The following NEDD9 variants were observed in gnomAD, a reference collection of about 807,000 sequenced individuals.
NEDD9 encodes neural precursor cell expressed, developmentally down-regulated 9.
Under a neutral mutation model 76.6 loss-of-function variants are expected in NEDD9, and 26 were observed. The ratio of observed to expected loss-of-function variants is 0.34; its 90% CI spans 0.25 to 0.47. The LOEUF is 0.47. Ranked by LOEUF, NEDD9 falls within the 20% of genes least tolerant of loss-of-function variation. The probability of loss-of-function intolerance (pLI) is 1.00; values close to 1 mark genes in which losing one functional copy is unlikely to be tolerated. For missense variants in NEDD9, 937 were observed against 1,058.5 expected, an observed-to-expected ratio of 0.89 and a Z score of 1.59; for synonymous variants, 392 against 414.2, an observed-to-expected ratio of 0.95 and a Z score of 0.65.
chr6:11,186,142 A>T (rs1257522095), intron 6 of NEDD9, among the ~76,000 whole-genome samples: 1 of 152,130 alleles, frequency 6.6e-6, no homozygotes, highest in Non-Finnish European at 1.5e-5. Flanking sequence ...CTATCTCAGG[A>T]TGCTCAGATG....
At position 11,370,157 on chromosome 6, in the gene NEDD9, T is replaced by A. The variant is rs951009457; in HGVS notation, c.-214+11982A>T. On this transcript the variant is annotated intron_variant, in intron 1 of 3. Coordinates refer to the NEDD9 transcript ENST00000397378. The surrounding 1 kb of genome is among the most constrained non-coding windows in gnomAD (Gnocchi z 4.2). ...TAATGATGAAATAGACACATCTCTC[T>A]GCTAAATCATGCTTGTGGGAACCCA... Among the ~76,000 whole-genome samples the A allele has an allele frequency of 3.3e-5, 4 of 121,254 alleles. No individual in the cohort carries two copies. Among genetic ancestry groups the A allele is most frequent in the African/African-American group, 1.4e-4 (4 of 28,534 alleles). 79.5% of individuals were successfully genotyped at this position (121,254 alleles called of 152,430 possible). A position where few individuals can be genotyped will look rare whatever the true frequency, so the allele number is the denominator to read the frequency against.
intron 3 of NEDD9, among the ~76,000 whole-genome samples, chr6:11,264,088 G>A (rs1760160944): frequency 2.0e-5 from 3 of 152,204 alleles, no homozygotes; most frequent in Non-Finnish European, 2.9e-5. Flanking sequence ...AGAGTTCCCC[G>A]GATGTGGAAG....
chr6:11,242,589 C>CAA (rs58475929), intron 3 of NEDD9, among the ~76,000 whole-genome samples: 21,725 of 143,548 alleles, frequency 0.15, 2,274 homozygotes, highest in East Asian at 0.61. Context: ...GGTCACCAGG[C>CAA]AAAAAAAAAA....
intron 3 of NEDD9, among the ~76,000 whole-genome samples, chr6:11,286,022 C>T (rs1760641456): frequency 6.6e-6 from 1 of 152,142 alleles, no homozygotes; most frequent in African/African-American, 2.4e-5. Flanking sequence ...AACACCTGCT[C>T]TTCTAAAGAC....
chr6:11,231,854 C>T (rs1465957432), intron 1 of NEDD9, among the ~76,000 whole-genome samples: 1 of 152,140 alleles, frequency 6.6e-6, no homozygotes, highest in Non-Finnish European at 1.5e-5. Flanking sequence ...GCACAATGAG[C>T]CAGCCTGAGC....
At chr6:11,187,141 A>G (rs573295456) in intron 6 of NEDD9, among the ~76,000 whole-genome samples, 1 of 151,664 alleles carries the variant, frequency 6.6e-6, no homozygotes, top group South Asian at 2.1e-4. Context: ...TGGGGGGGGT[A>G]CTTTCCCATT....
chr6:11,201,040 G>C (rs1167456606), intron 2 of NEDD9: 1 of 1,614,182 alleles, frequency 6.2e-7, no homozygotes, highest in Admixed American at 1.7e-5. Context: ...CCATCTCTCT[G>C]GAACACCTAG....
chr6:11,265,608 G>A (rs746624819), intron 3 of NEDD9, among the ~76,000 whole-genome samples: 3 of 152,162 alleles, frequency 2.0e-5, no homozygotes, highest in Admixed American at 6.6e-5. Flanking sequence ...AGAAGAAAAG[G>A]CAATTCTTTT....
At chr6:11,186,439 A>G (rs1212341718) in intron 6 of NEDD9, among the ~76,000 whole-genome samples, 1 of 152,018 alleles carries the variant, frequency 6.6e-6, no homozygotes, top group Non-Finnish European at 1.5e-5. Context: ...TGCAATTATA[A>G]TAATTTCTAG....
intron 3 of NEDD9, among the ~76,000 whole-genome samples, chr6:11,239,457 C>A (rs1412750561): frequency 1.3e-5 from 2 of 152,200 alleles, no homozygotes; most frequent in Non-Finnish European, 2.9e-5. Context: ...AGCCACTTCT[C>A]AGAAGGCAAG....
intron 1 of NEDD9, among the ~76,000 whole-genome samples, chr6:11,218,702 A>T (rs1323422623): frequency 6.6e-6 from 1 of 152,210 alleles, no homozygotes. Flanking sequence ...TACTTAGAGA[A>T]TTCAGCAAGA....
chr6:11,239,669 C>T lies in NEDD9; in HGVS notation c.13-25942G>A, dbSNP rs1439380289. Among the ~76,000 whole-genome samples, 5 of 152,132 alleles carry T rather than the reference C, an allele frequency of 3.3e-5. No individual in the cohort carries two copies. In the East Asian group the frequency reaches 5.8e-4, roughly 18 times the overall value. ...CACAAGAGACCTCATGAAGGCTACCCGACCTTACCCCGAACTACCTCGTTA... is the reference window on the plus strand; with the variant it reads ...CACAAGAGACCTCATGAAGGCTACCTGACCTTACCCCGAACTACCTCGTTA... On this transcript the variant is annotated intron_variant, in intron 3 of 3. Transcript: ENST00000397378.
intron 3 of NEDD9, among the ~76,000 whole-genome samples, chr6:11,250,321 T>A (rs1759894624): frequency 6.6e-6 from 1 of 152,178 alleles, no homozygotes; most frequent in Non-Finnish European, 1.5e-5. Context: ...TAATTTGACA[T>A]ACCATGAAAA....
chr6:11,338,656 G>T (rs925318606), intron 1 of NEDD9, among the ~76,000 whole-genome samples: 3 of 152,128 alleles, frequency 2.0e-5, no homozygotes, highest in Non-Finnish European at 4.4e-5. Context: ...GAGCGCAGTG[G>T]CTCACACCTG....
At chr6:11,320,736 G>C (rs932967470) in intron 2 of NEDD9, among the ~76,000 whole-genome samples, 1 of 152,198 alleles carries the variant, frequency 6.6e-6, no homozygotes, top group Non-Finnish European at 1.5e-5. Flanking sequence ...AGGTCTTTAC[G>C]TTTGGAAAGA....
chr6:11,263,224 G>T (rs576891729), intron 3 of NEDD9, among the ~76,000 whole-genome samples: 5 of 152,282 alleles, frequency 3.3e-5, no homozygotes, highest in East Asian at 1.9e-4. Flanking sequence ...TAGCTTTTTT[G>T]TGTGTGTAAG....
intron 3 of NEDD9, among the ~76,000 whole-genome samples, chr6:11,257,775 CTGTGTGTGTGTGTGTGTG>C (rs3067253): frequency 4.9e-5 from 7 of 142,966 alleles, no homozygotes; most frequent in African/African-American, 1.9e-4. Context: ...AATGTAGATT[CTGTGTGTGTGTGTGTGTG>C]TGTGTGTGTG....
At chr6:11,303,563 C>A (rs1323344391) in intron 3 of NEDD9, among the ~76,000 whole-genome samples, 2 of 152,142 alleles carry the variant, frequency 1.3e-5, no homozygotes, top group Non-Finnish European at 2.9e-5. Context: ...TCAAACTATA[C>A]TACAAGCTAG....
intron 6 of NEDD9, 131 bp from the exon 7 acceptor site, chr6:11,185,802 C>G (rs1199449254): frequency 1.2e-5 from 13 of 1,089,016 alleles, no homozygotes; most frequent in Middle Eastern, 3.1e-4. Context: ...AGCTGTAAAG[C>G]CTGGGTCAAG....
Sources: gnomAD v4.1 joint callset for allele counts (sites outside exome capture counted in the v4.1 genomes callset) on GRCh38, gnomAD v4.1.1 for gene constraint, Gnocchi (gnomAD v3.1) non-coding constraint, MANE v1.5 for transcripts, NCBI Gene and HGNC (gene_info 2026-07-23, HGNC 2026-07-21) for gene names.